Variants in TBX15 observed in about 807,000 individuals in gnomAD.
TBX15 encodes T-box transcription factor TBX15.
Under a neutral mutation model 53.9 loss-of-function variants are expected in TBX15, and 18 were observed. The observed-to-expected ratio is 0.33, with a 90% CI of 0.23 to 0.49. The LOEUF (loss-of-function observed/expected upper bound fraction) is 0.49, where lower values mean the gene tolerates loss of function less well. Among genes scored for constraint, TBX15 ranks in the 20% least tolerant of loss-of-function variants. The pLI is 0.98. For synonymous variants in TBX15, 295 were observed against 278.0 expected (o/e 1.06, Z -0.61); for missense variants, 692 against 749.5 (o/e 0.92, Z 0.90).
At chr1:118,949,110 T>C (rs2225024) in intron 1 of TBX15, among the ~76,000 whole-genome samples, 6 of 151,958 alleles carry the variant, frequency 3.9e-5, no homozygotes, top group East Asian at 3.9e-4. Context: ...TCCAAGCTCA[T>C]AGGGAAGAGT....
chr1:118,968,253 C>T (rs1657119592), intron 1 of TBX15, among the ~76,000 whole-genome samples: 1 of 152,172 alleles, frequency 6.6e-6, no homozygotes, highest in South Asian at 2.1e-4. Flanking sequence ...CTCCCTCTGT[C>T]ACCCAGGCTG....
At chr1:118,893,332 AGAAGGAAG>A (rs1229778000) in intron 7 of TBX15, among the ~76,000 whole-genome samples, 6 of 77,844 alleles carry the variant, frequency 7.7e-5, no homozygotes, top group African/African-American at 5.5e-4. Flanking sequence ...GAAAGAAGAA[AGAAGGAAG>A]GAAGGAAGGA....
At chr1:118,940,992 T>TGG (rs1656159862) in intron 1 of TBX15, among the ~76,000 whole-genome samples, 1 of 152,134 alleles carries the variant, frequency 6.6e-6, no homozygotes, top group African/African-American at 2.4e-5. Context: ...AACTGGGTGG[T>TGG]CTTCAAGATT....
At chr1:118,979,941 G>A (rs1657592358) in intron 1 of TBX15, among the ~76,000 whole-genome samples, 1 of 152,186 alleles carries the variant, frequency 6.6e-6, no homozygotes, top group African/African-American at 2.4e-5. Flanking sequence ...TGACCCGTTC[G>A]CCGTTCCGGC....
chr1:118,913,356 T>C (rs763506921), intron 6 of TBX15, among the ~76,000 whole-genome samples: 3 of 152,214 alleles, frequency 2.0e-5, no homozygotes, highest in African/African-American at 2.4e-5. Context: ...TGAATAATCT[T>C]AGATATAGCT....
rs1557868712 is a variant in TBX15 at position 118,885,455 on chromosome 1, A to G, written c.1086T>C (p.Ser362=). 6.2e-7 allele frequency: 1 copy of G among 1,609,450 alleles called. No homozygotes were observed. The highest frequency in any genetic ancestry group is 1.1e-5 in the South Asian group (1 of 90,306). Residue 362 remains serine, a synonymous_variant, in exon 8 of 8, where the codon TCT becomes TCC. Coordinates refer to ENST00000369429, the MANE Select transcript of TBX15 (RefSeq NM_001330677.2). ...AACAGGATGGAGATAAAAGATGAGAAGAAGCCGAAGGGGATGGTGTCCCAG... is the reference window on the plus strand; with the variant it reads ...AACAGGATGGAGATAAAAGATGAGAGGAAGCCGAAGGGGATGGTGTCCCAG... ...SSTGTPSPSA[S]SHLLSPSCSP... is the part of the protein sequence containing the mutation.
chr1:118,938,521 G>C (rs1457352635), intron 1 of TBX15, among the ~76,000 whole-genome samples: 1 of 152,182 alleles, frequency 6.6e-6, no homozygotes, highest in African/African-American at 2.4e-5. Flanking sequence ...GCAGACAAAG[G>C]CTCAATGCCA....
intron 5 of TBX15, among the ~76,000 whole-genome samples, chr1:118,919,942 A>G (rs928258746): frequency 6.6e-6 from 1 of 152,206 alleles, no homozygotes; most frequent in Non-Finnish European, 1.5e-5. Context: ...GAATGTCTAC[A>G]TTCATAAAAG....
intron 7 of TBX15, among the ~76,000 whole-genome samples, chr1:118,887,667 C>A (rs979288659): frequency 7.3e-6 from 1 of 136,118 alleles, no homozygotes; most frequent in Non-Finnish European, 1.5e-5. Flanking sequence ...AAGAGCAAAA[C>A]TCTCAAAAAA....
intron 6 of TBX15, among the ~76,000 whole-genome samples, chr1:118,903,701 G>A (rs2101526350): frequency 6.6e-6 from 1 of 152,224 alleles, no homozygotes; most frequent in East Asian, 1.9e-4. Context: ...GAAGTAATAA[G>A]AGAATTATCC....
chr1:118,898,829 A>G lies in TBX15; in HGVS notation c.1024+199T>C, dbSNP rs145541396. ...AGGGAGAGAGCATTTTGAGTGCCAG[A>G]TGAAATGCTGCCTTTGGACCAGCTT... is the stretch of plus-strand genomic sequence containing the variant. On this transcript the variant is annotated intron_variant, in intron 7 of 7. Transcript: ENST00000369429. Among the ~76,000 whole-genome samples the G allele has an allele frequency of 4.9e-3, 745 of 152,332 alleles. 6 individuals carry two copies. Among genetic ancestry groups the G allele is most frequent in the African/African-American group, 0.017 (719 of 41,568 alleles).
At chr1:118,907,168 G>A (rs1654863938) in intron 6 of TBX15, among the ~76,000 whole-genome samples, 1 of 152,152 alleles carries the variant, frequency 6.6e-6, no homozygotes, top group African/African-American at 2.4e-5. Context: ...TGCCATACCA[G>A]CTGGAAATAT....
chr1:118,959,005 T>A (rs558763069), intron 1 of TBX15, among the ~76,000 whole-genome samples: 2 of 143,346 alleles, frequency 1.4e-5, no homozygotes, highest in South Asian at 4.4e-4. Context: ...GCCTTAGTGG[T>A]CATCAGAAGG....
intron 1 of TBX15, among the ~76,000 whole-genome samples, chr1:118,985,278 T>C (rs1657793626): frequency 6.6e-6 from 1 of 152,076 alleles, no homozygotes; most frequent in Non-Finnish European, 1.5e-5. Context: ...CTGGGCACAA[T>C]AGGGTCGCCT....
chr1:118,887,796 A>T (rs1653999453), intron 7 of TBX15, among the ~76,000 whole-genome samples: 1 of 152,168 alleles, frequency 6.6e-6, no homozygotes, highest in Admixed American at 6.5e-5. Context: ...AGAGGAACCG[A>T]AAGTTAATTT....
At chr1:118,933,465 A>G (rs201172402) in intron 1 of TBX15, among the ~76,000 whole-genome samples, 1 of 9,546 alleles carries the variant, frequency 1.0e-4, no homozygotes, top group Admixed American at 8.3e-4. Context: ...CCCACCCACA[A>G]AAAAAAAAAA....
chr1:118,953,348 G>A (rs1656580607), intron 1 of TBX15, among the ~76,000 whole-genome samples: 1 of 152,150 alleles, frequency 6.6e-6, no homozygotes, highest in Non-Finnish European at 1.5e-5. Context: ...AATAAGAAGA[G>A]ATTAAATAGA....
Position 118,884,331 on chromosome 1 carries a change from TGTATGTGTGTGTGCAC to T in TBX15, c.*385_*400del, listed in dbSNP as rs1160791293. On this transcript the variant is annotated 3_prime_UTR_variant, in exon 8 of 8. Coordinates refer to ENST00000369429, the MANE Select transcript of TBX15 (RefSeq NM_001330677.2). ...CATGTGTATGAATTGTGTATGAATA[TGTATGTGTGTGTGCAC>T]GTATGTATAGGTAGGTCTGTCTGTA... 1.6e-5 allele frequency: 4 copies of T among 249,322 alleles called. No homozygotes were observed. Among genetic ancestry groups the T allele is most frequent in the African/African-American group, 6.8e-5 (3 of 44,192 alleles). 15.4% of individuals were successfully genotyped at this position (249,322 alleles called of 1,614,324 possible). A position where few individuals can be genotyped will look rare whatever the true frequency, so the allele number is the denominator to read the frequency against.
chr1:118,949,017 C>A (rs1170788275), intron 1 of TBX15, among the ~76,000 whole-genome samples: 1 of 152,098 alleles, frequency 6.6e-6, no homozygotes, highest in Non-Finnish European at 1.5e-5. Flanking sequence ...GAAGGGAGAG[C>A]AAATGAGTTT....
Sources: gnomAD v4.1 joint callset for allele counts (sites outside exome capture counted in the v4.1 genomes callset) on GRCh38, gnomAD v4.1.1 for gene constraint, MANE v1.5 for transcripts, NCBI Gene and HGNC (gene_info 2026-07-23, HGNC 2026-07-21) for gene names.